DNAH8: variants seen among roughly 807,000 people sequenced by gnomAD.
DNAH8 encodes dynein axonemal heavy chain 8.
Under a neutral mutation model 562.1 loss-of-function variants are expected in DNAH8, and 382 were observed. The ratio of observed to expected loss-of-function variants is 0.68; its 90% CI spans 0.63 to 0.74. The LOEUF (loss-of-function observed/expected upper bound fraction) is 0.74, where lower values mean the gene tolerates loss of function less well. DNAH8 is among the 30% of genes least tolerant of loss of function. The pLI, the probability that DNAH8 is intolerant of heterozygous loss-of-function variation, is 0.00. For synonymous variants in DNAH8, 1,881 were observed against 1,919.4 expected (o/e 0.98, Z 0.52); for missense variants, 5,203 against 5,620.4 (o/e 0.93, Z 2.37).
At chr6:38,847,618 A>T (rs72851599) in intron 36 of DNAH8, among the ~76,000 whole-genome samples, 18,765 of 152,026 alleles carry the variant, frequency 0.12, 1,406 homozygotes, top group Admixed American at 0.21. Flanking sequence ...CAGGCATCAG[A>T]CCGTACCCAG....
At chr6:38,787,695 CAAAAAA>C (rs67293877) in intron 18 of DNAH8, among the ~76,000 whole-genome samples, 2 of 79,622 alleles carry the variant, frequency 2.5e-5, no homozygotes, top group South Asian at 4.9e-4. Flanking sequence ...GACTCCATCT[CAAAAAA>C]AAAAAAAAAA....
At chr6:38,816,701 A>G (rs1772312460) in intron 26 of DNAH8, among the ~76,000 whole-genome samples, 1 of 152,204 alleles carries the variant, frequency 6.6e-6, no homozygotes, top group Non-Finnish European at 1.5e-5. Flanking sequence ...CATTCCCACC[A>G]ACAGTGTAAA....
At chr6:38,995,644 G>T (rs1373945703) in intron 88 of DNAH8, among the ~76,000 whole-genome samples, 1 of 152,188 alleles carries the variant, frequency 6.6e-6, no homozygotes, top group Non-Finnish European at 1.5e-5. Flanking sequence ...ACAAAGACAT[G>T]CAAACTAGTC....
At chr6:38,902,150 T>G (rs1289626921) in intron 62 of DNAH8, among the ~76,000 whole-genome samples, 4 of 152,182 alleles carry the variant, frequency 2.6e-5, no homozygotes, top group Non-Finnish European at 4.4e-5. Context: ...GCAAATTTAT[T>G]CACTATATTT....
intron 66 of DNAH8, among the ~76,000 whole-genome samples, chr6:38,913,446 A>G (rs1021445465): frequency 4.6e-5 from 7 of 152,222 alleles, no homozygotes; most frequent in African/African-American, 1.7e-4. Flanking sequence ...AACCACAAAA[A>G]TGTTAATATA....
intron 9 of DNAH8, among the ~76,000 whole-genome samples, chr6:38,751,746 TA>T (rs199780476): frequency 4.0e-5 from 6 of 151,736 alleles, no homozygotes; most frequent in South Asian, 4.1e-4. Flanking sequence ...ATATGAAAAT[TA>T]AAAAAATCTC....
chr6:38,913,318 C>T (rs965884445), intron 66 of DNAH8, among the ~76,000 whole-genome samples: 2 of 152,224 alleles, frequency 1.3e-5, no homozygotes, highest in Admixed American at 1.3e-4. Context: ...ATCCCACTAC[C>T]TAGAACCCGT....
intron 88 of DNAH8, among the ~76,000 whole-genome samples, chr6:39,001,528 C>G (rs1329028546): frequency 6.6e-6 from 1 of 151,898 alleles, no homozygotes; most frequent in Non-Finnish European, 1.5e-5. Flanking sequence ...GCAGAGCATT[C>G]CAGGCTGTGG....
chr6:38,972,253 A>G (rs1478715314), intron 83 of DNAH8, among the ~76,000 whole-genome samples: 2 of 152,204 alleles, frequency 1.3e-5, no homozygotes, highest in Non-Finnish European at 2.9e-5. Flanking sequence ...CATTTATAAA[A>G]ATAAAATAAG....
intron 31 of DNAH8, among the ~76,000 whole-genome samples, chr6:38,833,214 T>C (rs376073414): frequency 6.6e-6 from 1 of 151,824 alleles, no homozygotes; most frequent in African/African-American, 2.4e-5. Context: ...CATAAGATGA[T>C]TTAAGCCCTT....
In DNAH8 at chr6:38,890,733, TG is replaced by T; in HGVS notation, c.8558del (p.Gly2853ValfsTer10). On this transcript the variant is annotated frameshift_variant, in exon 58 of 93. Transcript: ENST00000327475. LOFTEE classifies it high-confidence loss of function. ...GAGATGATTGTGAATTTAGTCTCAG[TG>T]GGTAGAGTGCTGTGGCAATGGACTA... is the stretch of plus-strand genomic sequence containing the variant. ...ICEMIVNLVS[V>X]GRVLWQWTKV... 6.2e-7 allele frequency: 1 copy of T among 1,613,576 alleles called. No individual in the cohort carries two copies. Among genetic ancestry groups the T allele is most frequent in the Non-Finnish European group, 8.5e-7 (1 of 1,179,496 alleles).
intron 91 of DNAH8, among the ~76,000 whole-genome samples, chr6:39,022,849 C>T (rs1022193522): frequency 1.3e-5 from 2 of 152,174 alleles, no homozygotes; most frequent in African/African-American, 2.4e-5. Flanking sequence ...GCTCCAGAAT[C>T]GGCAGATTAA....
At chr6:38,939,585 C>T (rs1783267147) in intron 79 of DNAH8, among the ~76,000 whole-genome samples, 3 of 152,064 alleles carry the variant, frequency 2.0e-5, no homozygotes, top group Non-Finnish European at 4.4e-5. Context: ...AAAAATAACT[C>T]CAAAGTAAGG....
At chr6:38,876,653 GCA>G (rs1011343869) in intron 53 of DNAH8, among the ~76,000 whole-genome samples, 4 of 152,134 alleles carry the variant, frequency 2.6e-5, no homozygotes, top group African/African-American at 9.7e-5. Flanking sequence ...GGAAACTGGG[GCA>G]AAAGTTGAGC....
At position 38,822,841 on chromosome 6, in the gene DNAH8, C is replaced by A. The variant is rs774493535; in HGVS notation, c.3527C>A (p.Ser1176Tyr). ...GTGTAAAAACATCTGTTTTCAGGAT[C>A]TTTTGAAGAAGCTATTCCTGCGAGG... ...TGKLLKKEER[S>Y]FEEAIPARKL... The change falls in exon 27 of 93, where the codon TCT (serine) becomes TAT (tyrosine). Residue 1176 changes from serine to tyrosine, a missense_variant. Physicochemically the swap from Ser to Tyr is moderately radical, Grantham distance 144. Around this residue, in one of 6 missense-constraint regions of DNAH8, gnomAD observed 2,176 missense variants for 2,365.1 expected, o/e 0.92. Transcript: ENST00000327475. 1 of 1,572,852 alleles carries A rather than the reference C, an allele frequency of 6.4e-7. No homozygotes were observed. The highest frequency in any genetic ancestry group is 8.6e-7 in the Non-Finnish European group (1 of 1,164,882).
intron 3 of DNAH8, among the ~76,000 whole-genome samples, chr6:38,725,509 T>C (rs1763146463): frequency 6.6e-6 from 1 of 152,032 alleles, no homozygotes; most frequent in African/African-American, 2.4e-5. Context: ...GAGATGGGGA[T>C]GTGATTGATG....
chr6:38,783,090 G>A lies in DNAH8; in HGVS notation c.2346G>A (p.Glu782=). The stretch of plus-strand genomic sequence containing the variant: ...TCTCCTATGTGCTGGTGGAATTCGA[G>A]GTGGTCTATCACACAGCCTGGATCA... The part of the protein sequence containing the change: ...NKISYVLVEF[E]VVYHTAWIRE... The change falls in exon 17 of 93, where the codon GAG becomes GAA. Residue 782 remains glutamate (E), a synonymous_variant. Transcript: ENST00000327475. 1 of 1,613,998 alleles carries A rather than the reference G, an allele frequency of 6.2e-7. No homozygotes were observed.
intron 91 of DNAH8, among the ~76,000 whole-genome samples, chr6:39,016,546 G>A (rs1332437517): frequency 1.5e-5 from 2 of 134,068 alleles, no homozygotes; most frequent in African/African-American, 2.7e-5. Context: ...GCGAGACTCT[G>A]TCTCAAAAAA....
At position 38,896,330 on chromosome 6, in the gene DNAH8, T is replaced by C. The variant is rs1031887884; in HGVS notation, c.8940+105T>C. On this transcript the variant is annotated intron_variant, in intron 60 of 92. Coordinates refer to ENST00000327475, the MANE Select transcript of DNAH8 (RefSeq NM_001206927.2). ...ATGGAGTTGCTATAATTCCAGCACT[T>C]TGGGAGGCTGAGGTGGGAGGATTGC... is the stretch of plus-strand genomic sequence containing the variant. 5.4e-6 allele frequency: 5 copies of C among 928,318 alleles called. No individual in the cohort carries two copies. The African/African-American group carries it at 8.3e-5, about 15-fold the overall frequency. The allele number at this position is 928,318 out of a possible 1,614,324, so 57.5% of individuals were successfully genotyped here.
Sources: gnomAD v4.1 joint callset for allele counts (sites outside exome capture counted in the v4.1 genomes callset) on GRCh38, gnomAD v4.1.1 for gene constraint, gnomAD v4.1.1 regional missense constraint, MANE v1.5 for transcripts, NCBI Gene and HGNC (gene_info 2026-07-23, HGNC 2026-07-21) for gene names.